The following PCDH11X variants were observed in gnomAD, a reference collection of about 807,000 sequenced individuals.
PCDH11X encodes protocadherin-11 X-linked.
Under a neutral mutation model 53.3 loss-of-function variants are expected in PCDH11X, and 18 were observed. That is an observed-to-expected ratio of 0.34 (90% confidence interval 0.23 to 0.50). PCDH11X has a LOEUF of 0.50. Among genes scored for constraint, PCDH11X ranks in the 20% least tolerant of loss-of-function variants. The probability of loss-of-function intolerance (pLI) is 0.98; values close to 1 mark genes in which losing one functional copy is unlikely to be tolerated. For synonymous variants in PCDH11X, 279 were observed against 393.3 expected, an observed-to-expected ratio of 0.71 and a Z score of 3.44; for missense variants, 570 against 1,032.4, an observed-to-expected ratio of 0.55 and a Z score of 6.14.
chrX:92,190,759 A>AT (rs995481108), intron 6 of PCDH11X, among the ~76,000 whole-genome samples: 3 of 111,885 alleles, frequency 2.7e-5, no homozygotes, highest in Non-Finnish European at 3.8e-5. Context: ...GCTTAATGAA[A>AT]TTTCTCTCAG....
chrX:92,420,645 G>A, intron 9 of PCDH11X: 1 of 210,955 alleles, frequency 4.7e-6, no homozygotes, highest in Non-Finnish European at 9.1e-6. Context: ...GGCCTTCATG[G>A]CTTTTAATGA....
chrX:92,272,531 T>G (rs1439545308), intron 8 of PCDH11X, among the ~76,000 whole-genome samples: 1 of 112,077 alleles, frequency 8.9e-6, no homozygotes, highest in East Asian at 2.8e-4. Flanking sequence ...TTGAATTTTT[T>G]TATTGCTTAA....
At chrX:92,229,091 G>A (rs944096454) in intron 7 of PCDH11X, among the ~76,000 whole-genome samples, 5 of 111,774 alleles carry the variant, frequency 4.5e-5, no homozygotes, top group African/African-American at 1.6e-4. Flanking sequence ...TACCCTAAGA[G>A]TTTAAGACCA....
rs183962023 is a variant in PCDH11X, at chrX:92,059,614, C to T, written c.3034-141761C>T. The stretch of plus-strand genomic sequence containing the variant: ...CAAAGAAATTCCAGCAACTAAATCT[C>T]CTACCTTGGTTCCTTATATTTTTAA... On this transcript the variant is annotated intron_variant, in intron 6 of 10. Transcript: ENST00000682573. Among the ~76,000 whole-genome samples the T allele has an allele frequency of 6.3e-5, 7 of 111,044 alleles. No homozygotes were observed. The East Asian group carries it at 2.0e-3, about 31-fold the overall frequency.
At chrX:92,129,896 G>T (rs2064939977) in intron 6 of PCDH11X, among the ~76,000 whole-genome samples, 1 of 111,418 alleles carries the variant, frequency 9.0e-6, no homozygotes, top group Non-Finnish European at 1.9e-5. Flanking sequence ...GGGGTAGTGT[G>T]TTTTTAACCC....
At chrX:92,376,100 CTCA>C (rs1176252635) in intron 8 of PCDH11X, among the ~76,000 whole-genome samples, 3 of 111,460 alleles carry the variant, frequency 2.7e-5, no homozygotes, top group African/African-American at 9.8e-5. Flanking sequence ...TAGGTCTGAG[CTCA>C]TATTTGTAAA....
At chrX:92,257,358 T>C (rs960608650) in intron 7 of PCDH11X, among the ~76,000 whole-genome samples, 3 of 111,139 alleles carry the variant, frequency 2.7e-5, no homozygotes, top group Non-Finnish European at 3.8e-5. Context: ...AACCATATCA[T>C]TCTGCCCCTG....
In PCDH11X at chrX:92,011,198, G is replaced by A. The variant is rs35812774; in HGVS notation, c.3033+131925G>A. 1.6e-4 allele frequency among the ~76,000 whole-genome samples: 18 copies of A among 111,986 alleles called. No individual in the cohort carries two copies. The South Asian group carries it at 3.0e-3, about 19-fold the overall frequency. On this transcript the variant is annotated intron_variant, in intron 6 of 10. Coordinates refer to ENST00000682573, the MANE Select transcript of PCDH11X (RefSeq NM_032968.5). ...CTGTAATGAACATACACATGAATGC[G>A]TCTTTATGGCAGAACAATTTATATT... is the stretch of plus-strand genomic sequence containing the variant.
At chrX:91,926,594 C>T (rs1941956628) in intron 6 of PCDH11X, among the ~76,000 whole-genome samples, 1 of 110,944 alleles carries the variant, frequency 9.0e-6, no homozygotes, top group Non-Finnish European at 1.9e-5. Flanking sequence ...TAAGTAAATA[C>T]ATTTTTCCCA....
chrX:91,889,893 A>G (rs1308189598), intron 6 of PCDH11X, among the ~76,000 whole-genome samples: 4 of 111,833 alleles, frequency 3.6e-5, no homozygotes, highest in Non-Finnish European at 7.5e-5. Flanking sequence ...ATCTAGAATA[A>G]CTGATAACAG....
intron 7 of PCDH11X, among the ~76,000 whole-genome samples, chrX:92,258,672 A>G (rs1457679482): frequency 8.9e-6 from 1 of 111,988 alleles, no homozygotes; most frequent in Admixed American, 9.4e-5. Context: ...CGGCCTAGTT[A>G]TGCAAATTTC....
At chrX:92,581,928 G>T (rs1348183006) in intron 10 of PCDH11X, among the ~76,000 whole-genome samples, 2 of 99,105 alleles carry the variant, frequency 2.0e-5, no homozygotes, top group Non-Finnish European at 4.0e-5. Flanking sequence ...TTAGCAAAGA[G>T]ACTGGTGGCA....
intron 5 of PCDH11X, among the ~76,000 whole-genome samples, chrX:91,852,541 C>T (rs1038716049): frequency 1.2e-4 from 13 of 111,209 alleles, no homozygotes; most frequent in African/African-American, 4.3e-4. Context: ...CCATTTATGC[C>T]GATTTCAGAG....
chrX:91,854,595 T>G (rs1938214843), intron 5 of PCDH11X, among the ~76,000 whole-genome samples: 2 of 112,432 alleles, frequency 1.8e-5, no homozygotes, highest in South Asian at 7.3e-4. Context: ...TCCAAGTGAT[T>G]GTACTAATTT....
intron 10 of PCDH11X, among the ~76,000 whole-genome samples, chrX:92,613,501 C>T (rs1209496133): frequency 2.9e-5 from 3 of 103,331 alleles, no homozygotes; most frequent in Non-Finnish European, 3.9e-5. Context: ...TGTGATCTGA[C>T]GTTTTTCTCT....
intron 6 of PCDH11X, chrX:91,883,653 A>G (rs1251732260): frequency 3.8e-6 from 2 of 530,964 alleles, no homozygotes; most frequent in Non-Finnish European, 4.6e-6. Context: ...AAAATACAAA[A>G]AATTAGCCTG....
chrX:92,187,508 C>A (rs1286643482), intron 6 of PCDH11X, among the ~76,000 whole-genome samples: 1 of 111,227 alleles, frequency 9.0e-6, no homozygotes, highest in Non-Finnish European at 1.9e-5. Context: ...TTCTGCCTGT[C>A]ACAGAAGGTT....
chrX:91,835,627 C>A lies in PCDH11X; in HGVS notation c.123C>A (p.Gly41=), dbSNP rs764331389. 5 of 1,210,994 alleles carry A rather than the reference C, an allele frequency of 4.1e-6. No individual in the cohort carries two copies. Among genetic ancestry groups the A allele is most frequent in the Non-Finnish European group, 5.6e-6 (5 of 895,377 alleles). ...AAATGCCAGAAAACGTCCTGATAGGCGACTTGTTGAAAGACCTTAACTTGT... is the reference window on the plus strand; with the variant it reads ...AAATGCCAGAAAACGTCCTGATAGGAGACTTGTTGAAAGACCTTAACTTGT... ...REEMPENVLI[G]DLLKDLNLSL... Residue 41 remains glycine, a synonymous_variant, in exon 5 of 11, where the codon GGC becomes GGA. Transcript: ENST00000682573.
intron 4 of PCDH11X, among the ~76,000 whole-genome samples, chrX:91,828,053 C>A (rs758140407): frequency 9.2e-6 from 1 of 108,765 alleles, no homozygotes; most frequent in African/African-American, 3.4e-5. Context: ...GGTATTTATT[C>A]TTTCTATCCA....
Sources: allele counts gnomAD v4.1 joint callset (sites outside exome capture counted in the v4.1 genomes callset), GRCh38; gene constraint gnomAD v4.1.1; transcripts MANE v1.5; gene names NCBI Gene and HGNC (gene_info 2026-07-23, HGNC 2026-07-21).